ZNF839: variants seen among roughly 807,000 people sequenced by gnomAD.
ZNF839 encodes the protein renal carcinoma antigen NY-REN-50.
ZNF839 carries 38 observed loss-of-function variants against 56.4 expected under a neutral mutation model. That is an observed-to-expected ratio of 0.67 (90% CI 0.52 to 0.88). ZNF839 has a LOEUF of 0.88. Ranked by LOEUF, ZNF839 falls within the 40% of genes least tolerant of loss-of-function variation. The pLI is 0.00. For missense variants in ZNF839, 1,091 were observed against 1,177.6 expected (o/e 0.93, Z 1.08); for synonymous variants, 486 against 493.5 (o/e 0.98, Z 0.20).
In ZNF839 at chr14:102,324,416, G is replaced by C. The variant is rs192774721; in HGVS notation, c.289-1569G>C. On this transcript the variant is annotated intron_variant, in intron 1 of 7. Transcript: ENST00000442396. Reference sequence around the variant, plus strand: ...AAATTAGCCAGGTGTGGTGGCAAGCGCCTGTAATCAGGGCTACTCAGGAGG... The same window carrying C: ...AAATTAGCCAGGTGTGGTGGCAAGCCCCTGTAATCAGGGCTACTCAGGAGG... Among the ~76,000 whole-genome samples, 10 of 152,134 alleles carry C rather than the reference G, an allele frequency of 6.6e-5. No individual in the cohort carries two copies. In the East Asian group the frequency reaches 1.4e-3, roughly 21 times the overall value.
Position 102,326,218 on chromosome 14 carries a change from T to C in ZNF839, c.522T>C (p.Ala174=), listed in dbSNP as rs750087830. ...TAAGTGACTTATGCCAACCTCCTGCTCAGGGGTTTGTACAGAGACCACTGC... is the reference window on the plus strand; with the variant it reads ...TAAGTGACTTATGCCAACCTCCTGCCCAGGGGTTTGTACAGAGACCACTGC... ...CFLSDLCQPP[A]QGFVQRPLPA... is the part of the protein sequence containing the mutation. The change falls in exon 2 of 8, where the codon GCT becomes GCC. Residue 174 remains alanine (A), a synonymous_variant. Coordinates refer to ENST00000442396, the MANE Select transcript of ZNF839 (RefSeq NM_018335.6). The surrounding 1 kb of genome is among the most constrained non-coding windows in gnomAD (Gnocchi z 4.3). 1.1e-5 allele frequency: 18 copies of C among 1,613,744 alleles called. No homozygotes were observed. In the South Asian group the frequency reaches 1.3e-4, roughly 12 times the overall value.
At chr14:102,331,388 ACAGGCGCGCGCCACC>A in intron 2 of ZNF839, 1 of 425,542 alleles carries the variant, frequency 2.3e-6, no homozygotes, top group South Asian at 2.5e-5. Flanking sequence ...AGCCAGGACT[ACAGGCGCGCGCCACC>A]GCGCCTGGCT....
upstream of ZNF839, chr14:102,319,254 G>C (rs547282368): frequency 6.6e-6 from 1 of 152,380 alleles, no homozygotes; most frequent in South Asian, 2.1e-4. This position sits in a 1 kb window ranked among gnomAD's most constrained non-coding sequence, Gnocchi z 4.5. Flanking sequence ...CCCAATCTGG[G>C]TGGGTGGGTA....
chr14:102,321,703 G>A (rs1422585384), intron 1 of ZNF839, among the ~76,000 whole-genome samples: 1 of 152,196 alleles, frequency 6.6e-6, no homozygotes, highest in Non-Finnish European at 1.5e-5. Context: ...GAAAGCTAAA[G>A]ATAGTGAAAA....
intron 1 of ZNF839, among the ~76,000 whole-genome samples, chr14:102,324,292 C>T (rs1054517839): frequency 6.6e-6 from 1 of 152,156 alleles, no homozygotes; most frequent in Non-Finnish European, 1.5e-5. Context: ...TGCCTGTAAT[C>T]TCAGCACTTT....
In ZNF839 at chr14:102,325,343, A is replaced by G. The variant is rs568149963; in HGVS notation, c.289-642A>G. Among the ~76,000 whole-genome samples the G allele has an allele frequency of 3.5e-3, 393 of 112,690 alleles. 1 individual carries two copies. The highest frequency in any genetic ancestry group is 0.015 in the African/African-American group (367 of 24,496). The allele number at this position is 112,690 out of a possible 152,430, so 73.9% of individuals were successfully genotyped here. On this transcript the variant is annotated intron_variant, in intron 1 of 7. Coordinates refer to ENST00000442396, the MANE Select transcript of ZNF839 (RefSeq NM_018335.6). ...GACAGAGTGAGACCCTAATCTCAGA[A>G]AAAAAAAAAAAAAATGATGTAGAAT...
upstream of ZNF839, among the ~76,000 whole-genome samples, chr14:102,317,920 G>A (rs2072944055): frequency 6.6e-6 from 1 of 152,184 alleles, no homozygotes; most frequent in South Asian, 2.1e-4. Context: ...CTGAACAAAA[G>A]CCGGTTGTAT....
chr14:102,320,382 G>A (rs1480517631), intron 1 of ZNF839, among the ~76,000 whole-genome samples: 1 of 152,200 alleles, frequency 6.6e-6, no homozygotes, highest in Non-Finnish European at 1.5e-5. Context: ...TTCAGCCTTT[G>A]TGGAGCACTT....
chr14:102,328,351 T>A, intron 2 of ZNF839, among the ~76,000 whole-genome samples: 1 of 30,144 alleles, frequency 3.3e-5, no homozygotes, highest in Admixed American at 5.1e-4. Context: ...TGAAACTCCA[T>A]CTCAAAAAAA....
At chr14:102,341,142 G>T in intron 7 of ZNF839, 181 bp from the exon 8 acceptor site, 2 of 437,654 alleles carry the variant, frequency 4.6e-6, no homozygotes, top group East Asian at 4.2e-5. Context: ...ATCTGTCTTT[G>T]TGAATAGAGA....
Position 102,319,917 on chromosome 14 carries a change from C to A in ZNF839, c.152C>A (p.Ala51Glu). The A allele has an allele frequency of 1.6e-6, 2 of 1,235,358 alleles. No individual in the cohort carries two copies. Among genetic ancestry groups the A allele is most frequent in the Non-Finnish European group, 1.0e-6 (1 of 983,040 alleles). The allele number at this position is 1,235,358 out of a possible 1,614,324, so 76.5% of individuals were successfully genotyped here. Residue 51 changes from alanine to glutamate, a missense_variant, in exon 1 of 8, where the codon GCG (alanine) becomes GAG (glutamate). By Grantham distance (107) the Ala-to-Glu change is moderately radical (BLOSUM62 -1). This residue lies in a region of ZNF839 where 614 missense variants were observed against 629.2 expected (regional missense o/e 0.98). Transcript: ENST00000442396. This position sits in a 1 kb window ranked among gnomAD's most constrained non-coding sequence, Gnocchi z 4.5. ...LRQVLEQVTK[A>E]QPPPPPPPFV... ...CAGGTCCTGGAGCAGGTGACGAAGG[C>A]GCAGCCGCCGCCGCCGCCGCCCCCC... is the stretch of plus-strand genomic sequence containing the variant.
At chr14:102,340,620 G>A (rs1886406747) in intron 7 of ZNF839, among the ~76,000 whole-genome samples, 1 of 152,118 alleles carries the variant, frequency 6.6e-6, no homozygotes. Flanking sequence ...CACCTGGGGA[G>A]GTTATTGTGA....
chr14:102,341,215 C>G (rs1886480433), intron 7 of ZNF839, 108 bp from the exon 8 acceptor site: 1 of 1,353,356 alleles, frequency 7.4e-7, no homozygotes, highest in Non-Finnish European at 9.7e-7. Flanking sequence ...GATGCTTTGA[C>G]TTTTCTGCAG....
At chr14:102,328,369 AAAAAAAAT>A (rs1242440790) in intron 2 of ZNF839, among the ~76,000 whole-genome samples, 4 of 35,126 alleles carry the variant, frequency 1.1e-4, no homozygotes, top group African/African-American at 4.0e-4. Context: ...AAAAAAAAAA[AAAAAAAAT>A]ATATATATAT....
At chr14:102,336,329 C>G (rs1885700703) in intron 5 of ZNF839, among the ~76,000 whole-genome samples, 1 of 151,698 alleles carries the variant, frequency 6.6e-6, no homozygotes, top group Admixed American at 6.6e-5. Context: ...GAGTCTTGCT[C>G]TGTCACCCAG....
At chr14:102,317,745 T>C (rs976192621), upstream of ZNF839, 2 of 152,260 alleles carry the variant, frequency 1.3e-5, no homozygotes, top group Non-Finnish European at 2.9e-5. Context: ...GGCATTCAGG[T>C]TGTGGAAGCC....
rs1885768977 is a variant in ZNF839, at chr14:102,336,727, TTTC to T, written c.1659+895_1659+897del. On this transcript the variant is annotated intron_variant, in intron 5 of 7. Transcript: ENST00000442396. ...TCAGAGTTAAAACCTCAGGTATCAT[TTTC>T]TTCTTTTTTTTTTTTTGTTTTGAAA... 1.1e-5 allele frequency: 4 copies of T among 355,254 alleles called. No homozygotes were observed. The Middle Eastern group carries it at 1.5e-3, about 135-fold the overall frequency. 22.0% of individuals were successfully genotyped at this position (355,254 alleles called of 1,614,324 possible). A position where few individuals can be genotyped will look rare whatever the true frequency, so the allele number is the denominator to read the frequency against.
chr14:102,322,434 TAACTA>T (rs1432740117), intron 1 of ZNF839, among the ~76,000 whole-genome samples: 3 of 152,204 alleles, frequency 2.0e-5, no homozygotes, highest in Admixed American at 6.5e-5. Context: ...TTAGCTGAAT[TAACTA>T]AACAAAGTAT....
In ZNF839 at chr14:102,319,796, G is replaced by C. The variant is rs891701812; in HGVS notation, c.31G>C (p.Gly11Arg). 27 of 1,232,324 alleles carry C rather than the reference G, an allele frequency of 2.2e-5. No individual in the cohort carries two copies. Among genetic ancestry groups the C allele is most frequent in the Admixed American group, 4.2e-5 (1 of 23,570 alleles). 76.3% of individuals were successfully genotyped at this position (1,232,324 alleles called of 1,614,324 possible). ...GGATGCGGAGCCGGAGGCTGGGGGC[G>C]GCAGCGAGGATGGCGGCGGCGGCGG... Reference protein sequence around the residue: MADAEPEAGGGSEDGGGGGGP... With the variant: MADAEPEAGGRSEDGGGGGGP... The change falls in exon 1 of 8, where the codon GGC (glycine) becomes CGC (arginine). Residue 11 changes from glycine (G) to arginine (R), a missense_variant. By Grantham distance (125) the Gly-to-Arg change is moderately radical. Transcript: ENST00000442396. This position sits in a 1 kb window ranked among gnomAD's most constrained non-coding sequence, Gnocchi z 4.5.
Sources: allele counts gnomAD v4.1 joint callset (sites outside exome capture counted in the v4.1 genomes callset), GRCh38; gene constraint gnomAD v4.1.1; regional missense constraint gnomAD v4.1.1; non-coding constraint Gnocchi (gnomAD v3.1); transcripts MANE v1.5; gene names NCBI Gene and HGNC (gene_info 2026-07-23, HGNC 2026-07-21).